TTC3: variants seen among roughly 807,000 people sequenced by gnomAD.
TTC3 encodes the protein tetratricopeptide repeat domain 3.
Under a neutral mutation model 249.6 loss-of-function variants are expected in TTC3, and 180 were observed. That is an observed-to-expected ratio of 0.72 (90% CI 0.64 to 0.82). The LOEUF is 0.82. Among genes scored for constraint, TTC3 ranks in the 40% least tolerant of loss-of-function variants. The pLI is 0.00. For missense variants in TTC3, 2,061 were observed against 2,398.4 expected (o/e 0.86, Z 2.94); for synonymous variants, 717 against 805.0 (o/e 0.89, Z 1.85).
chr21:37,136,879 C>T (rs1209730126), intron 18 of TTC3, among the ~76,000 whole-genome samples: 1 of 152,178 alleles, frequency 6.6e-6, no homozygotes, highest in Non-Finnish European at 1.5e-5. Context: ...GGGGCTGATG[C>T]AGCTGGTGAC....
At chr21:37,176,244 C>T (rs1000981263) in intron 35 of TTC3, among the ~76,000 whole-genome samples, 4 of 152,120 alleles carry the variant, frequency 2.6e-5, no homozygotes, top group African/African-American at 4.8e-5. Flanking sequence ...CTGTTTTAAC[C>T]ATTACAAAGT....
chr21:37,102,730 C>T (rs2074634169), intron 10 of TTC3, among the ~76,000 whole-genome samples: 1 of 152,204 alleles, frequency 6.6e-6, no homozygotes, highest in East Asian at 1.9e-4. Context: ...GGTGCAGTGG[C>T]TCGTGCCTGT....
chr21:37,155,688 T>C (rs2079989260), intron 27 of TTC3, among the ~76,000 whole-genome samples: 1 of 152,196 alleles, frequency 6.6e-6, no homozygotes, highest in Non-Finnish European at 1.5e-5. Flanking sequence ...ACAGAGCTCC[T>C]TTTTGCTGGC....
rs574216941 is a variant in TTC3, at chr21:37,188,218, C to A, written c.4924-277C>A. On this transcript the variant is annotated intron_variant, in intron 38 of 45. Coordinates refer to ENST00000355666, the Ensembl canonical transcript of TTC3. ...GTGTACACATGCAGTTAACCTGGCT[C>A]TGTGCTTATATATAGCTTAAGCAGA... 7.5e-5 allele frequency: 21 copies of A among 281,316 alleles called. 1 individual carries two copies. In the South Asian group the frequency reaches 1.0e-3, roughly 13 times the overall value. 17.4% of individuals were successfully genotyped at this position (281,316 alleles called of 1,614,324 possible).
chr21:37,099,685 ACT>A (rs1568910789), intron 10 of TTC3, among the ~76,000 whole-genome samples: 1 of 152,084 alleles, frequency 6.6e-6, no homozygotes, highest in African/African-American at 2.4e-5. Flanking sequence ...AACAAAGGAG[ACT>A]CTCATATTCA....
In TTC3 at chr21:37,152,388, T is replaced by G. The variant is rs541603636; in HGVS notation, c.2413+359T>G. ...TTAGGGGAACTAAGTTGTTTTTTTTTTTTGTTTTTTTTTTTTGAGACGGAG... is the reference window on the plus strand; with the variant it reads ...TTAGGGGAACTAAGTTGTTTTTTTTGTTTGTTTTTTTTTTTTGAGACGGAG... On this transcript the variant is annotated intron_variant, in intron 26 of 45. Coordinates refer to ENST00000355666, the Ensembl canonical transcript of TTC3. Among the ~76,000 whole-genome samples, 1,355 of 151,710 alleles carry G rather than the reference T, an allele frequency of 8.9e-3. 11 individuals are homozygous for G. Among genetic ancestry groups the G allele is most frequent in the Non-Finnish European group, 0.015 (1,042 of 67,900 alleles).
At chr21:37,089,728 G>T (rs9984861) in intron 5 of TTC3, among the ~76,000 whole-genome samples, 69,143 of 151,788 alleles carry the variant, frequency 0.46, 16,281 homozygotes, top group Non-Finnish European at 0.52. Context: ...TGGCCAGGCT[G>T]GTCTCGAACT....
At chr21:37,106,174 C>A (rs1378981893) in intron 10 of TTC3, among the ~76,000 whole-genome samples, 1 of 152,144 alleles carries the variant, frequency 6.6e-6, no homozygotes, top group Non-Finnish European at 1.5e-5. Context: ...AAGGATGTTT[C>A]AGATTTTCAT....
In TTC3 at chr21:37,172,873, C is replaced by T. The variant is rs1053437249; in HGVS notation, c.4617+129C>T. 7.1e-5 allele frequency: 82 copies of T among 1,151,984 alleles called. 1 individual carries two copies. The highest frequency in any genetic ancestry group is 2.2e-4 in the East Asian group (8 of 36,484). The allele number at this position is 1,151,984 out of a possible 1,614,324, so 71.4% of individuals were successfully genotyped here. A position where few individuals can be genotyped will look rare whatever the true frequency, so the allele number is the denominator to read the frequency against. On this transcript the variant is annotated intron_variant, in intron 35 of 45. Transcript: ENST00000355666. Reference sequence around the variant, plus strand: ...TAAACAAAAGATTCTTTCTCAGAATCGCCTGCTTCAGATTTCTTCATGACA... The same window carrying T: ...TAAACAAAAGATTCTTTCTCAGAATTGCCTGCTTCAGATTTCTTCATGACA...
chr21:37,109,779 A>AC (rs1478678071), intron 11 of TTC3, among the ~76,000 whole-genome samples: 4 of 151,898 alleles, frequency 2.6e-5, no homozygotes, highest in African/African-American at 9.7e-5. Flanking sequence ...TGGGTCCCTG[A>AC]CCCCCGAGTA....
chr21:37,118,644 A>G (rs545451571), intron 11 of TTC3, among the ~76,000 whole-genome samples: 10 of 152,288 alleles, frequency 6.6e-5, no homozygotes, highest in Non-Finnish European at 1.5e-4. Flanking sequence ...TGAGAAGTCT[A>G]GGGGTTAGCT....
rs1038780071 is a variant in TTC3 at position 37,159,335 on chromosome 21, A to G, written c.2993-364A>G. 3.9e-5 allele frequency among the ~76,000 whole-genome samples: 6 copies of G among 152,108 alleles called. No homozygotes were observed. In the South Asian group the frequency reaches 6.2e-4, roughly 16 times the overall value. On this transcript the variant is annotated intron_variant, in intron 28 of 45. Coordinates refer to ENST00000355666, the Ensembl canonical transcript of TTC3. ...GTGAGCCTTTGTTGCCTTGTGTTTC[A>G]CGTGGTCCTTAGCACGCTGGGTTAC...
intron 21 of TTC3, among the ~76,000 whole-genome samples, chr21:37,146,530 A>AG (rs1362900269): frequency 3.9e-5 from 6 of 152,162 alleles, no homozygotes; most frequent in Admixed American, 3.9e-4. Context: ...AAAAAAAAAA[A>AG]GAGTACTGAT....
At chr21:37,166,659 T>C in intron 33 of TTC3, 44 bp downstream of exon 33, 2 of 1,524,820 alleles carry the variant, frequency 1.3e-6, no homozygotes, top group Non-Finnish European at 1.8e-6. Context: ...GAAGTTAAAT[T>C]TTCCTTTTCA....
chr21:37,140,648 G>A lies in TTC3; in HGVS notation c.1747G>A (p.Gly583Arg), dbSNP rs540000006. ...TGATTGCTTGGCCTACTGTGGAATT[G>A]GAAAAGTATATTTGAAAAAAAACAG... Residue 583 changes from glycine (G) to arginine (R), a missense_variant, in exon 20 of 46, where the codon GGA (glycine) becomes AGA (arginine). Physicochemically the swap from Gly to Arg is moderately radical, Grantham distance 125. This residue lies in a region of TTC3 where 989 missense variants were observed against 1,145.1 expected (regional missense o/e 0.86). Transcript: ENST00000355666. The A allele has an allele frequency of 1.1e-5, 18 of 1,608,740 alleles. No individual in the cohort carries two copies. In the Admixed American group the frequency reaches 1.9e-4, roughly 17 times the overall value.
At position 37,166,505 on chromosome 21, in the gene TTC3, T is replaced by C. The variant is rs773993730; in HGVS notation, c.4291T>C (p.Ser1431Pro). Residue 1431 changes from serine (S) to proline (P), a missense_variant, in exon 33 of 46, where the codon TCT becomes CCT. Physicochemically the swap from Ser to Pro is moderately conservative, Grantham distance 74. Coordinates refer to ENST00000355666, the Ensembl canonical transcript of TTC3. ...TGATGCTCATACAGTCCTGAGTGAG[T>C]CTAACAGAAATGATGAGCACTGTGG... The C allele has an allele frequency of 1.9e-6, 3 of 1,614,092 alleles. No homozygotes were observed. In the East Asian group the frequency reaches 6.7e-5, roughly 36 times the overall value.
At chr21:37,180,152 C>G (rs2082624755) in intron 35 of TTC3, among the ~76,000 whole-genome samples, 1 of 152,184 alleles carries the variant, frequency 6.6e-6, no homozygotes, top group African/African-American at 2.4e-5. Flanking sequence ...CAGGGCCTCT[C>G]TTGTGCAACT....
intron 10 of TTC3, among the ~76,000 whole-genome samples, chr21:37,099,723 A>G (rs892651616): frequency 1.3e-5 from 2 of 152,206 alleles, no homozygotes; most frequent in African/African-American, 4.8e-5. Context: ...AATTGGTACA[A>G]TCACTTTGGA....
intron 10 of TTC3, among the ~76,000 whole-genome samples, chr21:37,100,592 A>G (rs988079206): frequency 1.3e-5 from 2 of 152,176 alleles, no homozygotes; most frequent in African/African-American, 2.4e-5. Flanking sequence ...TTGGGTGAAT[A>G]TAAGTTAGGC....
Sources: gnomAD v4.1 joint callset for allele counts (sites outside exome capture counted in the v4.1 genomes callset) on GRCh38, gnomAD v4.1.1 for gene constraint, gnomAD v4.1.1 regional missense constraint, MANE v1.5 for transcripts, NCBI Gene and HGNC (gene_info 2026-07-23, HGNC 2026-07-21) for gene names.